Variants in SLC1A1 observed in about 807,000 individuals in gnomAD.
The protein encoded by SLC1A1 is solute carrier family 1 member 1.
A neutral mutation model predicts 53.3 loss-of-function variants in SLC1A1; 43 were observed. The ratio of observed to expected loss-of-function variants is 0.81; its 90% CI spans 0.63 to 1.04. SLC1A1 has a LOEUF of 1.04. Among genes scored for constraint, SLC1A1 ranks in the 50% least tolerant of loss-of-function variants. The pLI is 0.00. For missense variants in SLC1A1, 748 were observed against 664.9 expected (o/e 1.12, Z -1.37); for synonymous variants, 307 against 243.2 (o/e 1.26, Z -2.44).
At chr9:4,550,755 A>C (rs1298289334) in intron 2 of SLC1A1, among the ~76,000 whole-genome samples, 2 of 152,208 alleles carry the variant, frequency 1.3e-5, no homozygotes, top group Non-Finnish European at 2.9e-5. Context: ...AGTATTTATT[A>C]AACAACAGCC....
chr9:4,573,088 G>C (rs1226019026), intron 7 of SLC1A1, among the ~76,000 whole-genome samples: 2 of 152,168 alleles, frequency 1.3e-5, no homozygotes, highest in Admixed American at 1.3e-4. Flanking sequence ...ATTTATAACT[G>C]GCACTGCATG....
At chr9:4,581,877 C>T (rs1298277550) in intron 10 of SLC1A1, among the ~76,000 whole-genome samples, 1 of 152,206 alleles carries the variant, frequency 6.6e-6, no homozygotes, top group African/African-American at 2.4e-5. Context: ...TCTGCAACAC[C>T]TCAGTAGGCA....
intron 6 of SLC1A1, among the ~76,000 whole-genome samples, chr9:4,569,918 C>T (rs1819864007): frequency 6.6e-6 from 1 of 152,168 alleles, no homozygotes; most frequent in South Asian, 2.1e-4. Context: ...TGTCCTCACA[C>T]AAAGAATGAT....
chr9:4,505,184 T>C (rs1221308293), intron 1 of SLC1A1, among the ~76,000 whole-genome samples: 1 of 151,454 alleles, frequency 6.6e-6, no homozygotes, highest in East Asian at 1.9e-4. Flanking sequence ...GTAGCTGGGA[T>C]TACAGATGTG....
At chr9:4,528,585 A>G (rs572659055) in intron 1 of SLC1A1, among the ~76,000 whole-genome samples, 1 of 152,212 alleles carries the variant, frequency 6.6e-6, no homozygotes, top group Admixed American at 6.5e-5. Context: ...CAAAAAACAA[A>G]CAAACAAAAA....
At chr9:4,567,811 C>G (rs376062521) in intron 6 of SLC1A1, 44 bp downstream of exon 6, 1 of 1,184,148 alleles carries the variant, frequency 8.4e-7, no homozygotes, top group African/African-American at 1.5e-5. Context: ...GAGACAGGCA[C>G]TGAGTCATGA....
intron 1 of SLC1A1, among the ~76,000 whole-genome samples, chr9:4,511,918 T>C (rs1233665122): frequency 2.0e-5 from 3 of 152,232 alleles, no homozygotes; most frequent in Admixed American, 2.0e-4. Flanking sequence ...GTTATTTCTA[T>C]ATGTTAACAA....
At chr9:4,510,170 C>T (rs1481308576) in intron 1 of SLC1A1, among the ~76,000 whole-genome samples, 1 of 152,150 alleles carries the variant, frequency 6.6e-6, no homozygotes, top group East Asian at 1.9e-4. Context: ...GTGGCTGTTG[C>T]TTAAGGGCAT....
chr9:4,517,250 T>G (rs1003325073), intron 1 of SLC1A1, among the ~76,000 whole-genome samples: 1 of 152,162 alleles, frequency 6.6e-6, no homozygotes, highest in African/African-American at 2.4e-5. Context: ...ACATCCAAGG[T>G]TCATCTAAAA....
At chr9:4,519,611 C>G (rs1369916614) in intron 1 of SLC1A1, among the ~76,000 whole-genome samples, 1 of 152,160 alleles carries the variant, frequency 6.6e-6, no homozygotes, top group Non-Finnish European at 1.5e-5. Flanking sequence ...AGGCCAAGGG[C>G]AGGGCTAAGT....
chr9:4,560,296 C>T (rs901275588), intron 2 of SLC1A1, among the ~76,000 whole-genome samples: 1 of 152,034 alleles, frequency 6.6e-6, no homozygotes, highest in African/African-American at 2.4e-5. Flanking sequence ...TTTAAAGATC[C>T]AGCAATAAGT....
chr9:4,505,670 G>C (rs1820780587), intron 1 of SLC1A1, among the ~76,000 whole-genome samples: 1 of 151,740 alleles, frequency 6.6e-6, no homozygotes, highest in Non-Finnish European at 1.5e-5. Context: ...TTTTCTTTTT[G>C]TTTTGGGAAG....
chr9:4,585,664 G>C lies in SLC1A1; in HGVS notation c.*106G>C. The C allele has an allele frequency of 7.4e-7, 1 of 1,353,534 alleles. No homozygotes were observed. The highest frequency in any genetic ancestry group is 1.1e-6 in the Non-Finnish European group (1 of 951,010). The allele number at this position is 1,353,534 out of a possible 1,614,324, so 83.8% of individuals were successfully genotyped here. A position where few individuals can be genotyped will look rare whatever the true frequency, so the allele number is the denominator to read the frequency against. On this transcript the variant is annotated 3_prime_UTR_variant, in exon 12 of 12. Coordinates refer to ENST00000262352, the MANE Select transcript of SLC1A1 (RefSeq NM_004170.6). The stretch of plus-strand genomic sequence containing the variant: ...AACACTAATGGCCAAGTGTACATTT[G>C]ATTTGATATACAGACCTCCAGATTA...
intron 1 of SLC1A1, 45 bp downstream of exon 1, chr9:4,490,815 C>A (rs1463362305): frequency 3.9e-6 from 6 of 1,523,040 alleles, no homozygotes; most frequent in Non-Finnish European, 5.4e-6. Flanking sequence ...CTCACGCGCT[C>A]TCTGCGCCCA....
intron 6 of SLC1A1, among the ~76,000 whole-genome samples, chr9:4,571,839 CTG>C (rs1193979371): frequency 1.3e-5 from 2 of 152,160 alleles, no homozygotes; most frequent in East Asian, 1.9e-4. Context: ...TTATTAATTC[CTG>C]TGTTTTTTTA....
intron 2 of SLC1A1, among the ~76,000 whole-genome samples, chr9:4,554,632 G>A (rs1285013689): frequency 6.6e-6 from 1 of 152,238 alleles, no homozygotes; most frequent in Non-Finnish European, 1.5e-5. Flanking sequence ...GAGGCTGGAG[G>A]AGGGGATGAG....
intron 2 of SLC1A1, among the ~76,000 whole-genome samples, chr9:4,555,644 T>C (rs1023786352): frequency 6.6e-6 from 1 of 152,206 alleles, no homozygotes; most frequent in African/African-American, 2.4e-5. Context: ...TCCCTGTTTC[T>C]AGGCCACAGC....
At chr9:4,499,578 T>C (rs1017233048) in intron 1 of SLC1A1, among the ~76,000 whole-genome samples, 3 of 69,130 alleles carry the variant, frequency 4.3e-5, no homozygotes, top group South Asian at 9.8e-4. Flanking sequence ...CTCAAGTCTA[T>C]CAAAACTCCA....
rs1344332475 is a variant in SLC1A1 at position 4,587,301 on chromosome 9, C to T, written c.*1743C>T. The T allele has an allele frequency of 6.6e-6, 1 of 151,892 alleles. No individual in the cohort carries two copies. Among genetic ancestry groups the T allele is most frequent in the African/African-American group, 2.4e-5 (1 of 41,336 alleles). The allele number at this position is 151,892 out of a possible 1,614,324, so 9.4% of individuals were successfully genotyped here. A position where few individuals can be genotyped will look rare whatever the true frequency, so the allele number is the denominator to read the frequency against. ...TTTATCTTGGGCTAAATGGTTCTAC[C>T]CCTTACTAGGTTGCCCCAATTAGTG... On this transcript the variant is annotated 3_prime_UTR_variant, in exon 12 of 12. Transcript: ENST00000262352.
Sources: allele counts gnomAD v4.1 joint callset (sites outside exome capture counted in the v4.1 genomes callset), GRCh38; gene constraint gnomAD v4.1.1; transcripts MANE v1.5; gene names NCBI Gene and HGNC (gene_info 2026-07-23, HGNC 2026-07-21).